The following ERP27 variants were observed in gnomAD, a reference collection of about 807,000 sequenced individuals.
The protein encoded by ERP27 is endoplasmic reticulum protein 27.
In ERP27, 23 loss-of-function variants were observed where a neutral mutation model predicts 27.7. The ratio of observed to expected loss-of-function variants is 0.83; its 90% CI spans 0.60 to 1.18. ERP27 has a LOEUF of 1.18. ERP27 is among the 50% of genes most tolerant of loss of function. The probability of loss-of-function intolerance (pLI) is 0.00; values close to 1 mark genes in which losing one functional copy is unlikely to be tolerated. For missense variants in ERP27, 363 were observed against 327.9 expected (o/e 1.11, Z -0.83); for synonymous variants, 159 against 118.3 (o/e 1.34, Z -2.23).
At position 14,915,593 on chromosome 12, in the gene ERP27, T is replaced by G; in HGVS notation, c.670A>C (p.Ile224Leu). ...CACTCGTCATCTAGAGTCTGGTAAATTGCCAAAGCTGGCAGTTGAGACTCC... is the reference window on the plus strand; with the variant it reads ...CACTCGTCATCTAGAGTCTGGTAAAGTGCCAAAGCTGGCAGTTGAGACTCC... ...LKESQLPALA[I>L]YQTLDDEWDT... Residue 224 changes from isoleucine (I) to leucine (L), a missense_variant, in exon 6 of 7, where the codon ATT becomes CTT. Ile to Leu is a conservative substitution (Grantham distance 5). Transcript: ENST00000266397. 6.2e-7 allele frequency: 1 copy of G among 1,614,218 alleles called. No individual in the cohort carries two copies.
chr12:14,934,873 T>G lies in ERP27; in HGVS notation c.316A>C (p.Ile106Leu). 4 of 1,614,008 alleles carry G rather than the reference T, an allele frequency of 2.5e-6. No homozygotes were observed. The highest frequency in any genetic ancestry group is 3.4e-6 in the Non-Finnish European group (4 of 1,179,914). Residue 106 changes from isoleucine to leucine, a missense_variant, in exon 3 of 7, where the codon ATC (isoleucine) becomes CTC (leucine). Transcript: ENST00000266397. ...CAACTTACCAGGCGAAAGAGGCAGATGGTGTTCCCAGTGATGTTGTAGTGT... is the reference window on the plus strand; with the variant it reads ...CAACTTACCAGGCGAAAGAGGCAGAGGGTGTTCCCAGTGATGTTGTAGTGT... ...LTHYNITGNT[I>L]CLFRLVDNEQ...
chr12:14,920,851 A>T (rs1863490800), intron 4 of ERP27, 81 bp downstream of exon 4: 2 of 1,004,942 alleles, frequency 2.0e-6, no homozygotes, highest in Non-Finnish European at 3.1e-6. Flanking sequence ...GAACTCTGGG[A>T]GGAAGAGACC....
At chr12:14,921,178 T>C (rs1204847947) in intron 3 of ERP27, 130 bp from the exon 4 acceptor site, 42 of 723,658 alleles carry the variant, frequency 5.8e-5, no homozygotes, top group Middle Eastern at 3.9e-4. Context: ...AGAGAGTTTC[T>C]CTGCCCTAGG....
chr12:14,923,734 T>C (rs1411883177), intron 3 of ERP27, among the ~76,000 whole-genome samples: 1 of 152,210 alleles, frequency 6.6e-6, no homozygotes, highest in Middle Eastern at 3.2e-3. Context: ...TAACCTACTA[T>C]TCAGTTTTGT....
chr12:14,921,111 CT>C, intron 3 of ERP27, 63 bp from the exon 4 acceptor site: 1 of 1,331,166 alleles, frequency 7.5e-7, no homozygotes, highest in Non-Finnish European at 1.1e-6. Flanking sequence ...TGATAAACGT[CT>C]TTAGACCCCC....
chr12:14,937,828 G>T, intron 2 of ERP27, 124 bp downstream of exon 2: 2 of 691,286 alleles, frequency 2.9e-6, no homozygotes, highest in Non-Finnish European at 5.0e-6. Context: ...AATCAAACTG[G>T]GTGGCTGTCT....
At chr12:14,920,095 T>C (rs1863477177) in intron 4 of ERP27, among the ~76,000 whole-genome samples, 1 of 152,240 alleles carries the variant, frequency 6.6e-6, no homozygotes, top group South Asian at 2.1e-4. Flanking sequence ...TAGAAATTAA[T>C]ACCCTGTAAG....
At chr12:14,916,032 G>A (rs2120537717) in intron 5 of ERP27, among the ~76,000 whole-genome samples, 1 of 152,162 alleles carries the variant, frequency 6.6e-6, no homozygotes, top group South Asian at 2.1e-4. Context: ...GGTGGAGGGT[G>A]GGAGGAGGGG....
chr12:14,922,622 T>C (rs1592274573), intron 3 of ERP27, among the ~76,000 whole-genome samples: 1 of 152,224 alleles, frequency 6.6e-6, no homozygotes, highest in South Asian at 2.1e-4. Flanking sequence ...GTTAAAGTTA[T>C]CATCTTTATC....
intron 3 of ERP27, among the ~76,000 whole-genome samples, chr12:14,931,753 T>C (rs1863700824): frequency 6.6e-6 from 1 of 152,156 alleles, no homozygotes; most frequent in Non-Finnish European, 1.5e-5. Context: ...CAACGGCACT[T>C]GTTTTTCTTC....
In ERP27 at chr12:14,917,286, G is replaced by C. The variant is rs200754170; in HGVS notation, c.468C>G (p.Phe156Leu). Residue 156 changes from phenylalanine to leucine, a missense_variant, in exon 5 of 7, where the codon TTC becomes TTG. By Grantham distance (22) the Phe-to-Leu change is conservative (BLOSUM62 0). Transcript: ENST00000266397. ...GGAGATGAATCTGAATTACGCTGTT[G>C]AATAACCCAATCACAGTCTGGCAAG... is the stretch of plus-strand genomic sequence containing the variant. ...EYNPVTVIGL[F>L]NSVIQIHLLL... is the part of the protein sequence containing the mutation. The C allele has an allele frequency of 3.3e-4, 534 of 1,614,020 alleles. No individual in the cohort carries two copies. Among genetic ancestry groups the C allele is most frequent in the Non-Finnish European group, 4.1e-4 (489 of 1,180,014 alleles).
intron 1 of ERP27, 63 bp downstream of exon 1, chr12:14,938,352 C>G: frequency 1.2e-5 from 18 of 1,492,212 alleles, no homozygotes; most frequent in South Asian, 5.7e-5. Context: ...AACCACCATG[C>G]TCCCTTTCCT....
intron 3 of ERP27, among the ~76,000 whole-genome samples, chr12:14,924,036 C>T (rs558873926): frequency 6.6e-6 from 1 of 152,304 alleles, no homozygotes; most frequent in Non-Finnish European, 1.5e-5. Context: ...CCACTTCCCC[C>T]TCCGCTCCCC....
chr12:14,937,614 A>G (rs1326878731), intron 2 of ERP27, among the ~76,000 whole-genome samples: 1 of 152,186 alleles, frequency 6.6e-6, no homozygotes, highest in African/African-American at 2.4e-5. Context: ...ATAGGGTGCT[A>G]TGAGAGTATA....
At chr12:14,918,253 T>A (rs1863444709) in intron 4 of ERP27, among the ~76,000 whole-genome samples, 1 of 152,208 alleles carries the variant, frequency 6.6e-6, no homozygotes, top group Non-Finnish European at 1.5e-5. Flanking sequence ...CTCTTGATCA[T>A]CAGGATGGAC....
intron 5 of ERP27, among the ~76,000 whole-genome samples, chr12:14,916,160 C>G (rs1341514981): frequency 2.0e-5 from 3 of 152,074 alleles, no homozygotes. Context: ...ACATGTACCC[C>G]TGAACTTAAA....
chr12:14,918,928 G>T (rs752174285), intron 4 of ERP27, among the ~76,000 whole-genome samples: 2 of 152,182 alleles, frequency 1.3e-5, no homozygotes, highest in Non-Finnish European at 2.9e-5. Flanking sequence ...TGAGATGGAG[G>T]ATAATTCCTG....
intron 3 of ERP27, among the ~76,000 whole-genome samples, chr12:14,932,416 G>A (rs907470566): frequency 2.0e-5 from 3 of 152,078 alleles, no homozygotes; most frequent in African/African-American, 7.2e-5. Context: ...GCGGGTGGTG[G>A]CATTCTAGAC....
In ERP27 at chr12:14,915,476, G is replaced by A. The variant is rs762064116; in HGVS notation, c.774+13C>T. The stretch of plus-strand genomic sequence containing the variant: ...AAGAAAACAATTTGCTTTACCTGCA[G>A]TCTCACACTTACCAACAATTTTCCA... On this transcript the variant is annotated intron_variant, in intron 6 of 6. Coordinates refer to ENST00000266397, the MANE Select transcript of ERP27 (RefSeq NM_152321.4). The A allele has an allele frequency of 7.4e-6, 12 of 1,612,930 alleles. No individual in the cohort carries two copies. Among genetic ancestry groups the A allele is most frequent in the East Asian group, 6.7e-5 (3 of 44,844 alleles).
Sources: allele counts gnomAD v4.1 joint callset (sites outside exome capture counted in the v4.1 genomes callset), GRCh38; gene constraint gnomAD v4.1.1; transcripts MANE v1.5; gene names NCBI Gene and HGNC (gene_info 2026-07-23, HGNC 2026-07-21).